MAP3K1: variants seen among roughly 807,000 people sequenced by gnomAD.
MAP3K1 encodes the protein MAP/ERK kinase kinase 1.
A neutral mutation model predicts 144.2 loss-of-function variants in MAP3K1; 36 were observed. That is an observed-to-expected ratio of 0.25 (90% CI 0.19 to 0.33). The LOEUF (loss-of-function observed/expected upper bound fraction) is 0.33. Among genes scored for constraint, MAP3K1 ranks in the 10% least tolerant of loss-of-function variants. The pLI is 1.00. For synonymous variants in MAP3K1, 718 were observed against 688.7 expected, an observed-to-expected ratio of 1.04 and a Z score of -0.67; for missense variants, 1,650 against 1,881.9, an observed-to-expected ratio of 0.88 and a Z score of 2.28.
At position 56,834,487 on chromosome 5, in the gene MAP3K1, G is replaced by T. The variant is rs1466181506; in HGVS notation, c.482+18432G>T. 2.6e-5 allele frequency among the ~76,000 whole-genome samples: 4 copies of T among 152,266 alleles called. No individual in the cohort carries two copies. In the South Asian group the frequency reaches 6.2e-4, roughly 24 times the overall value. On this transcript the variant is annotated intron_variant, in intron 1 of 19. Transcript: ENST00000399503. ...ATACTGCCTGTTAATTTGCTTTTGG[G>T]TGGATCATGAGGTCAGGAGTTCGAG... is the stretch of plus-strand genomic sequence containing the variant.
chr5:56,887,595 T>G, intron 18 of MAP3K1, 75 bp downstream of exon 18: 2 of 1,493,950 alleles, frequency 1.3e-6, no homozygotes, highest in Non-Finnish European at 1.9e-6. Flanking sequence ...TAAATTATCT[T>G]GCAGTGGTAT....
intron 18 of MAP3K1, 155 bp downstream of exon 18, chr5:56,887,675 T>G (rs1457346381): frequency 1.8e-5 from 14 of 798,418 alleles, no homozygotes; most frequent in Non-Finnish European, 3.0e-5. Flanking sequence ...TTTCAGACCC[T>G]TATTCTCGAC....
chr5:56,846,468 T>C (rs564770794), intron 1 of MAP3K1, among the ~76,000 whole-genome samples: 15 of 152,366 alleles, frequency 9.8e-5, no homozygotes, highest in East Asian at 3.9e-4. Flanking sequence ...CTGACTCAAA[T>C]TGATAGTCTT....
chr5:56,869,978 T>C (rs1561191938), intron 6 of MAP3K1, among the ~76,000 whole-genome samples: 1 of 152,192 alleles, frequency 6.6e-6, no homozygotes. Context: ...TCACGCATTA[T>C]GACTTTGCTG....
At chr5:56,852,268 G>GT in intron 1 of MAP3K1, among the ~76,000 whole-genome samples, 1 of 152,296 alleles carries the variant, frequency 6.6e-6, no homozygotes, top group South Asian at 2.1e-4. Flanking sequence ...TCATAGAAGA[G>GT]TAGAGGAGAG....
chr5:56,878,288 A>G (rs1446166412), intron 10 of MAP3K1, among the ~76,000 whole-genome samples: 1 of 151,534 alleles, frequency 6.6e-6, no homozygotes, highest in Non-Finnish European at 1.5e-5. Flanking sequence ...AGCATCACAC[A>G]CTGGAGTCTG....
At chr5:56,816,143 G>A (rs1745958259) in intron 1 of MAP3K1, 88 bp downstream of exon 1, 38 of 1,136,568 alleles carry the variant, frequency 3.3e-5, no homozygotes, top group Non-Finnish European at 4.1e-5. Context: ...ACGGCGTCCC[G>A]GGGTTCAGCG....
chr5:56,880,869 C>A (rs1748184371), intron 12 of MAP3K1, 67 bp downstream of exon 12: 1 of 1,260,888 alleles, frequency 7.9e-7, no homozygotes, highest in Non-Finnish European at 1.2e-6. Flanking sequence ...CTTGTCTAAT[C>A]TCATAATCTC....
At chr5:56,850,115 C>G (rs935040349) in intron 1 of MAP3K1, among the ~76,000 whole-genome samples, 1 of 152,168 alleles carries the variant, frequency 6.6e-6, no homozygotes, top group African/African-American at 2.4e-5. Flanking sequence ...TGTCCTTTAC[C>G]TGGAACCTTA....
chr5:56,825,766 A>G (rs188681140), intron 1 of MAP3K1, among the ~76,000 whole-genome samples: 29 of 152,244 alleles, frequency 1.9e-4, no homozygotes, highest in Admixed American at 3.3e-4. Flanking sequence ...CTCCACTGCC[A>G]TGACTGCTAA....
intron 1 of MAP3K1, among the ~76,000 whole-genome samples, chr5:56,849,533 AT>A (rs35328498): frequency 6.6e-6 from 1 of 152,132 alleles, no homozygotes; most frequent in Non-Finnish European, 1.5e-5. Context: ...GTGGGAACTA[AT>A]TTTCAGAATG....
rs2111911477 is a variant in MAP3K1 at position 56,871,972 on chromosome 5, G to A, written c.1364G>A (p.Ser455Asn). Residue 455 changes from serine to asparagine, a missense_variant, in exon 7 of 20, where the codon AGT becomes AAT. Coordinates refer to ENST00000399503, the MANE Select transcript of MAP3K1 (RefSeq NM_005921.2). ...ICLLGMLDEE[S>N]LTVCEDGCRN... is the part of the protein sequence containing the mutation. ...TTGTTGGGCATGCTTGATGAAGAAA[G>A]TCTTACAGTGTGTGAAGACGGCTGC... 1 of 1,614,012 alleles carries A rather than the reference G, an allele frequency of 6.2e-7. No individual in the cohort carries two copies. The highest frequency in any genetic ancestry group is 8.5e-7 in the Non-Finnish European group (1 of 1,179,916).
Position 56,881,758 on chromosome 5 carries a change from G to A in MAP3K1, c.2558G>A (p.Arg853His), listed in dbSNP as rs768180463. 151 of 1,613,972 alleles carry A rather than the reference G, an allele frequency of 9.4e-5. No individual in the cohort carries two copies. The highest frequency in any genetic ancestry group is 1.1e-4 in the Non-Finnish European group (127 of 1,180,028). Residue 853 changes from arginine to histidine, a missense_variant, in exon 14 of 20, where the codon CGT becomes CAT. Transcript: ENST00000399503. ...AGTTCCACTCACTTCACCAGGATGC[G>A]TCGCCGTTTGATGGCTATTGCAGAT... ...VSSSTHFTRM[R>H]RRLMAIADEV...
In MAP3K1 at chr5:56,894,317, T is replaced by C; in HGVS notation, c.*637T>C. 8.6e-6 allele frequency: 2 copies of C among 232,986 alleles called. No homozygotes were observed. Among genetic ancestry groups the C allele is most frequent in the Non-Finnish European group, 1.7e-5 (2 of 117,892 alleles). The allele number at this position is 232,986 out of a possible 1,614,324, so 14.4% of individuals were successfully genotyped here. A position where few individuals can be genotyped will look rare whatever the true frequency, so the allele number is the denominator to read the frequency against. ...AATTATGGTTTTGTATTTTCATGTT[T>C]ATTTACATTCATTTTTGTTTATTCA... is the stretch of plus-strand genomic sequence containing the variant. On this transcript the variant is annotated 3_prime_UTR_variant, in exon 20 of 20. Coordinates refer to ENST00000399503, the MANE Select transcript of MAP3K1 (RefSeq NM_005921.2).
intron 1 of MAP3K1, among the ~76,000 whole-genome samples, chr5:56,823,832 G>C (rs752596367): frequency 1.3e-5 from 2 of 152,190 alleles, no homozygotes; most frequent in Non-Finnish European, 2.9e-5. Context: ...TAGGTAAGAA[G>C]AGTCTGCTAT....
chr5:56,855,616 G>T (rs1004696606), intron 1 of MAP3K1, among the ~76,000 whole-genome samples: 16 of 152,168 alleles, frequency 1.1e-4, no homozygotes, highest in African/African-American at 3.4e-4. Context: ...CTTCATAGTT[G>T]TGATTAGCTG....
chr5:56,883,513 C>T lies in MAP3K1; in HGVS notation c.3667-14C>T, dbSNP rs755031853. 8 of 1,612,962 alleles carry T rather than the reference C, an allele frequency of 5.0e-6. No homozygotes were observed. Among genetic ancestry groups the T allele is most frequent in the South Asian group, 2.2e-5 (2 of 91,042 alleles). ...CCTTTAACAGTAAAAAGATTGCTTT[C>T]GTTTAATATGTAGACACCAGAGACT... On this transcript the variant is annotated splice_polypyrimidine_tract_variant and intron_variant, in intron 14 of 19. Transcript: ENST00000399503.
chr5:56,862,471 CT>C, intron 3 of MAP3K1, among the ~76,000 whole-genome samples: 1 of 152,148 alleles, frequency 6.6e-6, no homozygotes, highest in African/African-American at 2.4e-5. Context: ...AACTGTCTTC[CT>C]TCCCCACACC....
At position 56,815,955 on chromosome 5, in the gene MAP3K1, G is replaced by A. The variant is rs1252128480; in HGVS notation, c.382G>A (p.Val128Met). ...SRGGAHLTES[V>M]AAPDSGASSP... ...CGGCGGCGCCCACCTTACCGAGTCG[G>A]TGGCGGCGCCGGACAGCGGCGCCTC... Residue 128 changes from valine (V) to methionine (M), a missense_variant, in exon 1 of 20, where the codon GTG becomes ATG. Val to Met is a conservative substitution (Grantham distance 21). This residue lies in a region of MAP3K1 where 360 missense variants were observed against 274.7 expected (regional missense o/e 1.31). Transcript: ENST00000399503. The A allele has an allele frequency of 3.2e-6, 4 of 1,259,490 alleles. No individual in the cohort carries two copies. The highest frequency in any genetic ancestry group is 4.0e-6 in the Non-Finnish European group (4 of 1,003,812). The allele number at this position is 1,259,490 out of a possible 1,614,324, so 78.0% of individuals were successfully genotyped here.
Sources: gnomAD v4.1 joint callset for allele counts (sites outside exome capture counted in the v4.1 genomes callset) on GRCh38, gnomAD v4.1.1 for gene constraint, gnomAD v4.1.1 regional missense constraint, MANE v1.5 for transcripts, NCBI Gene and HGNC (gene_info 2026-07-23, HGNC 2026-07-21) for gene names.